ALDH1L1: variants seen among roughly 807,000 people sequenced by gnomAD.
ALDH1L1 encodes the protein aldehyde dehydrogenase 1 family member L1.
Under a neutral mutation model 101.1 loss-of-function variants are expected in ALDH1L1, and 68 were observed. That is an observed-to-expected ratio of 0.67 (90% CI 0.55 to 0.82). ALDH1L1 has a LOEUF of 0.82. ALDH1L1 is among the 40% of genes least tolerant of loss of function. The pLI, the probability that ALDH1L1 is intolerant of heterozygous loss-of-function variation, is 0.00. For synonymous variants in ALDH1L1, 486 were observed against 470.8 expected, an observed-to-expected ratio of 1.03 and a Z score of -0.42; for missense variants, 1,087 against 1,172.7, an observed-to-expected ratio of 0.93 and a Z score of 1.07.
intron 1 of ALDH1L1, among the ~76,000 whole-genome samples, chr3:126,189,307 C>G (rs779565764): frequency 1.2e-4 from 19 of 152,192 alleles, no homozygotes; most frequent in Non-Finnish European, 1.9e-4. Context: ...ACGAGGAAAA[C>G]TCAACAGGGA....
upstream of ALDH1L1, among the ~76,000 whole-genome samples, chr3:126,185,015 G>A (rs542350912): frequency 6.6e-6 from 1 of 152,238 alleles, no homozygotes; most frequent in East Asian, 1.9e-4. Context: ...CTCCCCAGTG[G>A]GAACCAAGAA....
At chr3:126,133,142 G>A (rs2080349760) in intron 12 of ALDH1L1, among the ~76,000 whole-genome samples, 1 of 152,166 alleles carries the variant, frequency 6.6e-6, no homozygotes, top group East Asian at 1.9e-4. Context: ...CTCCCAGTTA[G>A]GCTTAAAGTA....
intron 9 of ALDH1L1, among the ~76,000 whole-genome samples, chr3:126,143,677 C>T (rs2108265660): frequency 6.6e-6 from 1 of 152,302 alleles, no homozygotes; most frequent in South Asian, 2.1e-4. Flanking sequence ...TTTAAATGGG[C>T]CAAGTGTAAC....
chr3:126,112,783 A>C lies in ALDH1L1; in HGVS notation c.2180T>G (p.Val727Gly). The change falls in exon 19 of 23, where the codon GTG becomes GGG. Residue 727 changes from valine (V) to glycine (G), a missense_variant and splice_region_variant. Val to Gly is a moderately radical substitution (Grantham distance 109, BLOSUM62 -3). This residue lies in a region of ALDH1L1 where 442 missense variants were observed against 535.7 expected (regional missense o/e 0.83). Transcript: ENST00000393434. ...DSIHDEFVRR[V>G]VEEVRKMKVG... ...CGCAGACCCTGGGGCAGGACTTACC[A>C]CTCTCCGCACGAACTCATCATGAAT... 6.2e-7 allele frequency: 1 copy of C among 1,612,256 alleles called. No individual in the cohort carries two copies. The highest frequency in any genetic ancestry group is 8.5e-7 in the Non-Finnish European group (1 of 1,179,832).
chr3:126,171,393 C>A (rs1420209745), intron 1 of ALDH1L1, among the ~76,000 whole-genome samples: 1 of 152,064 alleles, frequency 6.6e-6, no homozygotes, highest in East Asian at 1.9e-4. Context: ...ATAAGCACAA[C>A]AAAGAGACAC....
At chr3:126,180,413 C>A in intron 1 of ALDH1L1, 63 bp downstream of exon 1, 6 of 983,820 alleles carry the variant, frequency 6.1e-6, no homozygotes, top group Non-Finnish European at 7.3e-6. Flanking sequence ...GCCCCCGGAG[C>A]TGCAGCCGGG....
chr3:126,110,190 G>C, intron 19 of ALDH1L1, 81 bp from the exon 20 acceptor site: 1 of 1,546,376 alleles, frequency 6.5e-7, no homozygotes, highest in East Asian at 2.3e-5. Context: ...CAGCTCTCAT[G>C]GCTGACCCCT....
intron 1 of ALDH1L1, among the ~76,000 whole-genome samples, chr3:126,174,134 G>C (rs942257179): frequency 2.6e-5 from 4 of 152,216 alleles, no homozygotes; most frequent in Non-Finnish European, 1.5e-5. Context: ...CGCCTCCCGG[G>C]TTCAAGCAAT....
In ALDH1L1 at chr3:126,155,395, C is replaced by T; in HGVS notation, c.630+7G>A. On this transcript the variant is annotated splice_region_variant and intron_variant, in intron 5 of 22. Transcript: ENST00000393434. ...AGGATGAGGGTGTGGAGGGACCCAG[C>T]ACTCACCTTGGCTGTCTCCTTCTTC... 6.2e-7 allele frequency: 1 copy of T among 1,611,480 alleles called. No individual in the cohort carries two copies. Among genetic ancestry groups the T allele is most frequent in the Non-Finnish European group, 8.5e-7 (1 of 1,178,748 alleles).
At chr3:126,112,540 G>A (rs1299182179) in intron 19 of ALDH1L1, among the ~76,000 whole-genome samples, 1 of 152,216 alleles carries the variant, frequency 6.6e-6, no homozygotes, top group Non-Finnish European at 1.5e-5. Context: ...ACCAACCCAA[G>A]ATGGGCCCTT....
chr3:126,149,683 C>T (rs1245835833), intron 8 of ALDH1L1, among the ~76,000 whole-genome samples: 1 of 152,186 alleles, frequency 6.6e-6, no homozygotes, highest in East Asian at 1.9e-4. Context: ...ACCCAAGGTC[C>T]CCAGCTGTGC....
intron 1 of ALDH1L1, chr3:126,180,264 C>G (rs2081449745): frequency 5.1e-6 from 1 of 196,890 alleles, no homozygotes; most frequent in African/African-American, 2.4e-5. Flanking sequence ...CCTGATGACC[C>G]CTGGCCAGGT....
chr3:126,115,686 T>C (rs896615371), intron 17 of ALDH1L1, among the ~76,000 whole-genome samples: 30 of 152,054 alleles, frequency 2.0e-4, no homozygotes, highest in Middle Eastern at 3.2e-3. Context: ...GCGATTCTTC[T>C]ACCTCAGCCT....
At chr3:126,134,433 C>T (rs1444954792) in intron 12 of ALDH1L1, among the ~76,000 whole-genome samples, 1 of 152,202 alleles carries the variant, frequency 6.6e-6, no homozygotes, top group East Asian at 1.9e-4. Flanking sequence ...CGCCACCTGT[C>T]GTGCTTGTTT....
chr3:126,125,433 T>A lies in ALDH1L1; in HGVS notation c.1800+183A>T, dbSNP rs1559929381. Among the ~76,000 whole-genome samples the A allele has an allele frequency of 2.0e-5, 3 of 152,208 alleles. No homozygotes were observed. The East Asian group carries it at 5.8e-4, about 29-fold the overall frequency. On this transcript the variant is annotated intron_variant, in intron 15 of 22. Coordinates refer to ENST00000393434, the MANE Select transcript of ALDH1L1 (RefSeq NM_012190.4). ...TGAAAAAGAGTCTGCTTTGGAGAGCTCTGCCTGCCACATACGCCTCTGCCC... is the reference window on the plus strand; with the variant it reads ...TGAAAAAGAGTCTGCTTTGGAGAGCACTGCCTGCCACATACGCCTCTGCCC...
At chr3:126,195,734 T>C (rs1559988434) in intron 1 of ALDH1L1, among the ~76,000 whole-genome samples, 2 of 152,218 alleles carry the variant, frequency 1.3e-5, no homozygotes. Flanking sequence ...AATGATAGAC[T>C]GAATTAAGAA....
chr3:126,150,324 A>G, intron 8 of ALDH1L1, 82 bp downstream of exon 8: 4 of 1,511,372 alleles, frequency 2.6e-6, no homozygotes, highest in Non-Finnish European at 3.6e-6. Context: ...GCGCTGCCCA[A>G]CTCTGGGGAG....
intron 3 of ALDH1L1, 150 bp downstream of exon 3, chr3:126,158,255 T>C: frequency 1.4e-6 from 1 of 707,166 alleles, no homozygotes; most frequent in Non-Finnish European, 2.4e-6. Flanking sequence ...CAGCCTGTTC[T>C]GTGGCTGACA....
chr3:126,104,120 C>A lies in ALDH1L1; in HGVS notation c.2654-274G>T. The stretch of plus-strand genomic sequence containing the variant: ...ACCGCCTTGTCTGGACAGTGGGAAG[C>A]CCCTTCAGGTGGAAGGGGGTGGAGA... On this transcript the variant is annotated intron_variant, in intron 22 of 22. Transcript: ENST00000393434. 3 of 529,604 alleles carry A rather than the reference C, an allele frequency of 5.7e-6. No homozygotes were observed. In the South Asian group the frequency reaches 7.0e-5, roughly 12 times the overall value. The allele number at this position is 529,604 out of a possible 1,614,324, so 32.8% of individuals were successfully genotyped here. A position where few individuals can be genotyped will look rare whatever the true frequency, so the allele number is the denominator to read the frequency against.
Sources: allele counts gnomAD v4.1 joint callset (sites outside exome capture counted in the v4.1 genomes callset), GRCh38; gene constraint gnomAD v4.1.1; regional missense constraint gnomAD v4.1.1; transcripts MANE v1.5; gene names NCBI Gene and HGNC (gene_info 2026-07-23, HGNC 2026-07-21).